Variants in RBM47 observed in about 807,000 individuals in gnomAD.
RBM47 encodes RNA-binding protein 47.
RBM47 carries 21 observed loss-of-function variants against 47.1 expected under a neutral mutation model. That is an observed-to-expected ratio of 0.45 (90% CI 0.32 to 0.64). The LOEUF is 0.64. RBM47 is among the 30% of genes least tolerant of loss of function. The pLI, the probability that RBM47 is intolerant of heterozygous loss-of-function variation, is 0.05. For synonymous variants in RBM47, 375 were observed against 361.7 expected, an observed-to-expected ratio of 1.04 and a Z score of -0.42; for missense variants, 708 against 870.9, an observed-to-expected ratio of 0.81 and a Z score of 2.35.
chr4:40,435,374 C>T (rs1398673456), intron 5 of RBM47, among the ~76,000 whole-genome samples: 2 of 152,094 alleles, frequency 1.3e-5, no homozygotes, highest in Non-Finnish European at 2.9e-5. Context: ...TGTGGTGAAA[C>T]CCCATCTCTA....
At chr4:40,468,797 T>C (rs1718426928) in intron 2 of RBM47, among the ~76,000 whole-genome samples, 1 of 152,224 alleles carries the variant, frequency 6.6e-6, no homozygotes, top group African/African-American at 2.4e-5. Flanking sequence ...ATTTACGTTT[T>C]AATACACATA....
At chr4:40,505,719 C>G (rs550145840) in intron 2 of RBM47, among the ~76,000 whole-genome samples, 18 of 149,838 alleles carry the variant, frequency 1.2e-4, no homozygotes, top group Non-Finnish European at 2.4e-4. Flanking sequence ...AACTCCATCT[C>G]TACTAAAAAT....
intron 2 of RBM47, among the ~76,000 whole-genome samples, chr4:40,521,800 G>T (rs976899041): frequency 2.0e-5 from 3 of 152,140 alleles, no homozygotes; most frequent in African/African-American, 7.2e-5. Context: ...AGTTAAATAT[G>T]GGGGAACCTG....
At chr4:40,500,599 AAT>A (rs60894213) in intron 2 of RBM47, among the ~76,000 whole-genome samples, 1 of 151,022 alleles carries the variant, frequency 6.6e-6, no homozygotes, top group Non-Finnish European at 1.5e-5. Context: ...CCTATCTCCA[AAT>A]ATATATATAT....
chr4:40,432,512 C>T, intron 6 of RBM47, 139 bp downstream of exon 6: 1 of 1,435,142 alleles, frequency 7.0e-7, no homozygotes, highest in Admixed American at 2.4e-5. Flanking sequence ...GCTTCAAATT[C>T]AAAATGCTTT....
rs540329561 is a variant in RBM47, at chr4:40,626,818, CCA to C, written c.-240+2576_-240+2577del. Among the ~76,000 whole-genome samples the C allele has an allele frequency of 4.7e-4, 72 of 152,204 alleles. No homozygotes were observed. In the South Asian group the frequency reaches 0.015, roughly 32 times the overall value. Reference sequence around the variant, plus strand: ...GTTTTACCAACAGGATGATTCAGGACCACACACAAAAAATGGCAGGGTGCCAT... The same window carrying C: ...GTTTTACCAACAGGATGATTCAGGACCACACAAAAAATGGCAGGGTGCCAT... On this transcript the variant is annotated intron_variant, in intron 1 of 6. Transcript: ENST00000295971.
At chr4:40,490,976 G>C (rs1721790501) in intron 2 of RBM47, among the ~76,000 whole-genome samples, 2 of 152,066 alleles carry the variant, frequency 1.3e-5, no homozygotes, top group South Asian at 4.1e-4. Context: ...ACTTGAAAAA[G>C]AAGAACAAAG....
intron 1 of RBM47, among the ~76,000 whole-genome samples, chr4:40,545,494 T>C: frequency 6.7e-6 from 1 of 149,396 alleles, no homozygotes. Context: ...TGAAACCCCA[T>C]CTCTACTAAA....
At chr4:40,601,102 A>G (rs1374109167) in intron 1 of RBM47, among the ~76,000 whole-genome samples, 1 of 152,156 alleles carries the variant, frequency 6.6e-6, no homozygotes, top group Non-Finnish European at 1.5e-5. Flanking sequence ...TAAGAATTCA[A>G]GGCCAGGACG....
At chr4:40,468,666 G>A (rs1718406883) in intron 2 of RBM47, among the ~76,000 whole-genome samples, 2 of 151,960 alleles carry the variant, frequency 1.3e-5, no homozygotes, top group South Asian at 2.1e-4. Flanking sequence ...GATCCATAAC[G>A]TTATGGGAAC....
chr4:40,521,542 A>T (rs1189830803), intron 2 of RBM47, among the ~76,000 whole-genome samples: 1 of 152,208 alleles, frequency 6.6e-6, no homozygotes, highest in African/African-American at 2.4e-5. Flanking sequence ...ATGTTTTAAA[A>T]ATATTCTGTG....
chr4:40,623,225 G>A (rs897123375), intron 1 of RBM47, among the ~76,000 whole-genome samples: 1 of 152,164 alleles, frequency 6.6e-6, no homozygotes, highest in Non-Finnish European at 1.5e-5. Flanking sequence ...GTAGATGCTG[G>A]AGCCCACAAT....
At chr4:40,550,585 A>G (rs554175555) in intron 1 of RBM47, among the ~76,000 whole-genome samples, 1 of 152,138 alleles carries the variant, frequency 6.6e-6, no homozygotes, top group South Asian at 2.1e-4. Context: ...TGCCCGGCTA[A>G]TTTTTGTGTT....
intron 6 of RBM47, chr4:40,427,049 CAG>C (rs1353320539): frequency 6.6e-6 from 1 of 152,122 alleles, no homozygotes; most frequent in African/African-American, 2.4e-5. Flanking sequence ...GTCTCAGAGA[CAG>C]AGAGAGGAAC....
chr4:40,504,559 C>T (rs562598292), intron 2 of RBM47, among the ~76,000 whole-genome samples: 1 of 152,244 alleles, frequency 6.6e-6, no homozygotes, highest in African/African-American at 2.4e-5. Flanking sequence ...CTCCAAAGTG[C>T]CGGGATTACA....
At chr4:40,557,691 G>A (rs779716093) in intron 1 of RBM47, among the ~76,000 whole-genome samples, 7 of 152,124 alleles carry the variant, frequency 4.6e-5, no homozygotes, top group Non-Finnish European at 1.0e-4. Context: ...GGAGGTTGCA[G>A]TGAGCCAAGG....
chr4:40,437,090 A>ATATATATATATATAT (rs1553877705), intron 4 of RBM47, among the ~76,000 whole-genome samples: 2 of 49,852 alleles, frequency 4.0e-5, no homozygotes, highest in African/African-American at 2.2e-4. Flanking sequence ...AAAAAAAAAA[A>ATATATATATATATAT]ATATATATAT....
Position 40,425,722 on chromosome 4 carries a change from G to A in RBM47, c.*182C>T. 1.1e-6 allele frequency: 1 copy of A among 885,168 alleles called. No homozygotes were observed. The highest frequency in any genetic ancestry group is 1.7e-6 in the Non-Finnish European group (1 of 605,526). 54.8% of individuals were successfully genotyped at this position (885,168 alleles called of 1,614,324 possible). On this transcript the variant is annotated 3_prime_UTR_variant, in exon 7 of 7. Coordinates refer to ENST00000295971, the MANE Select transcript of RBM47 (RefSeq NM_001098634.2). ...AAATGTATGAACGTAGGCATGCTAA[G>A]TTGAAAATAGTCTTAAAAAACTAGT...
chr4:40,490,362 C>T (rs996164550), intron 2 of RBM47, among the ~76,000 whole-genome samples: 3 of 151,900 alleles, frequency 2.0e-5, no homozygotes, highest in African/African-American at 7.3e-5. Flanking sequence ...TCATAGATGA[C>T]GTAGTCAATT....
Sources: allele counts gnomAD v4.1 joint callset (sites outside exome capture counted in the v4.1 genomes callset), GRCh38; gene constraint gnomAD v4.1.1; transcripts MANE v1.5; gene names NCBI Gene and HGNC (gene_info 2026-07-23, HGNC 2026-07-21).